Variants in AGPS observed in about 807,000 individuals in gnomAD.
AGPS encodes alkylglycerone phosphate synthase.
Under a neutral mutation model 90.7 loss-of-function variants are expected in AGPS, and 26 were observed. The observed-to-expected ratio is 0.29, with a 90% confidence interval of 0.21 to 0.40. The LOEUF (loss-of-function observed/expected upper bound fraction) is 0.40, where lower values mean the gene tolerates loss of function less well. AGPS is among the 10% of genes least tolerant of loss of function. The pLI, the probability that AGPS is intolerant of heterozygous loss-of-function variation, is 1.00. For missense variants in AGPS, 540 were observed against 816.1 expected, an observed-to-expected ratio of 0.66 and a Z score of 4.12; for synonymous variants, 294 against 285.3, an observed-to-expected ratio of 1.03 and a Z score of -0.31.
Position 177,539,437 on chromosome 2 carries a change from A to T in AGPS, c.*1242A>T, listed in dbSNP as rs2079212584. ...TATTAAAGTGAAATGATTACTTTGA[A>T]TCACTGTCTGCCAAGGTTCATGATT... On this transcript the variant is annotated 3_prime_UTR_variant, in exon 20 of 20. Coordinates refer to ENST00000264167, the MANE Select transcript of AGPS (RefSeq NM_003659.4). 1 of 152,060 alleles carries T rather than the reference A, an allele frequency of 6.6e-6. No individual in the cohort carries two copies. The highest frequency in any genetic ancestry group is 2.1e-4 in the South Asian group (1 of 4,832). 9.4% of individuals were successfully genotyped at this position (152,060 alleles called of 1,614,324 possible). A position where few individuals can be genotyped will look rare whatever the true frequency, so the allele number is the denominator to read the frequency against.
chr2:177,452,046 T>A (rs1686968461), intron 8 of AGPS, among the ~76,000 whole-genome samples: 1 of 152,186 alleles, frequency 6.6e-6, no homozygotes, highest in Admixed American at 6.5e-5. Context: ...TCAGAAAACA[T>A]ACTTTATATG....
intron 16 of AGPS, among the ~76,000 whole-genome samples, chr2:177,509,463 G>C (rs375525477): frequency 6.6e-6 from 1 of 152,018 alleles, no homozygotes; most frequent in Non-Finnish European, 1.5e-5. Flanking sequence ...TCAGGAGATC[G>C]AGACCATCCT....
At chr2:177,524,257 G>A (rs1361886819) in intron 19 of AGPS, among the ~76,000 whole-genome samples, 1 of 152,198 alleles carries the variant, frequency 6.6e-6, no homozygotes, top group African/African-American at 2.4e-5. Context: ...CAGGATATGA[G>A]AAAAATCTTT....
chr2:177,421,119 A>C (rs1267931254), intron 2 of AGPS, among the ~76,000 whole-genome samples: 3 of 152,032 alleles, frequency 2.0e-5, no homozygotes, highest in Non-Finnish European at 4.4e-5. Flanking sequence ...TGTTGGTTTT[A>C]AGCAATACTG....
chr2:177,512,681 G>A (rs1688909752), intron 16 of AGPS, among the ~76,000 whole-genome samples: 1 of 152,132 alleles, frequency 6.6e-6, no homozygotes, highest in Non-Finnish European at 1.5e-5. Context: ...CAGAATCGGT[G>A]TTATTATGTG....
chr2:177,453,914 C>G (rs796567845), intron 8 of AGPS, among the ~76,000 whole-genome samples: 1 of 125,292 alleles, frequency 8.0e-6, no homozygotes, highest in Non-Finnish European at 1.8e-5. Context: ...CTCGAACTCC[C>G]GATCTCAGGT....
At chr2:177,508,119 T>G (rs1180630462) in intron 16 of AGPS, 88 bp downstream of exon 16, 2 of 979,284 alleles carry the variant, frequency 2.0e-6, no homozygotes, top group African/African-American at 3.2e-5. Context: ...ATATGTAAGT[T>G]TAAAACATTT....
chr2:177,457,260 C>A (rs554526388), intron 8 of AGPS, among the ~76,000 whole-genome samples: 1 of 152,174 alleles, frequency 6.6e-6, no homozygotes, highest in East Asian at 1.9e-4. Flanking sequence ...AAAATTGACA[C>A]CCTAACATCA....
At position 177,521,721 on chromosome 2, in the gene AGPS, G is replaced by C. The variant is rs989060825; in HGVS notation, c.1797+353G>C. ...ATGGTGGTTGCTGTTGAGGTCAGCA[G>C]CCCTAATGCCCTTGGTCTGTGTTGT... On this transcript the variant is annotated intron_variant, in intron 18 of 19. Coordinates refer to ENST00000264167, the MANE Select transcript of AGPS (RefSeq NM_003659.4). Among the ~76,000 whole-genome samples the C allele has an allele frequency of 4.6e-5, 7 of 152,162 alleles. No individual in the cohort carries two copies. In the East Asian group the frequency reaches 1.3e-3, roughly 29 times the overall value.
At chr2:177,425,711 G>T (rs1686062293) in intron 2 of AGPS, among the ~76,000 whole-genome samples, 1 of 151,114 alleles carries the variant, frequency 6.6e-6, no homozygotes, top group African/African-American at 2.4e-5. Flanking sequence ...TAGGTGTGCA[G>T]TCTTATTTCT....
At chr2:177,456,555 A>G (rs550804852) in intron 8 of AGPS, among the ~76,000 whole-genome samples, 2 of 152,326 alleles carry the variant, frequency 1.3e-5, no homozygotes, top group East Asian at 3.9e-4. Context: ...TAAATGAAGT[A>G]AATTTAAATT....
chr2:177,419,637 T>C (rs193192487), intron 1 of AGPS, among the ~76,000 whole-genome samples: 77 of 152,026 alleles, frequency 5.1e-4, no homozygotes, highest in African/African-American at 1.6e-3. Flanking sequence ...TTATGAAATA[T>C]TGGTATTTTG....
chr2:177,438,150 A>G (rs1686474398), intron 5 of AGPS, among the ~76,000 whole-genome samples: 1 of 152,176 alleles, frequency 6.6e-6, no homozygotes, highest in African/African-American at 2.4e-5. Context: ...TGAAAGCAAA[A>G]TTTATCAATT....
intron 2 of AGPS, among the ~76,000 whole-genome samples, chr2:177,432,683 T>C (rs1433102869): frequency 6.6e-6 from 1 of 152,256 alleles, no homozygotes; most frequent in East Asian, 1.9e-4. Flanking sequence ...TTCAAGTATC[T>C]TGAAGGTGGT....
intron 11 of AGPS, among the ~76,000 whole-genome samples, chr2:177,487,695 TTG>T (rs1186379575): frequency 2.0e-5 from 3 of 152,154 alleles, no homozygotes; most frequent in African/African-American, 7.2e-5. Context: ...ATCATTTTTT[TTG>T]TGTCATGCGT....
At chr2:177,427,132 C>A (rs1686106701) in intron 2 of AGPS, among the ~76,000 whole-genome samples, 1 of 152,172 alleles carries the variant, frequency 6.6e-6, no homozygotes, top group Admixed American at 6.5e-5. Flanking sequence ...TCTAGATTTT[C>A]TAGTTCATGT....
At chr2:177,400,688 C>G (rs1685307948) in intron 1 of AGPS, among the ~76,000 whole-genome samples, 1 of 152,136 alleles carries the variant, frequency 6.6e-6, no homozygotes, top group South Asian at 2.1e-4. Context: ...AGAGATTTGG[C>G]CAGGTTGCTG....
At chr2:177,481,853 G>A (rs550072391) in intron 10 of AGPS, among the ~76,000 whole-genome samples, 7 of 151,896 alleles carry the variant, frequency 4.6e-5, no homozygotes, top group Non-Finnish European at 8.8e-5. Context: ...TAATTAAAGC[G>A]TATTCCTAAA....
chr2:177,427,818 G>A (rs1036758762), intron 2 of AGPS, among the ~76,000 whole-genome samples: 2 of 152,126 alleles, frequency 1.3e-5, no homozygotes, highest in Admixed American at 1.3e-4. Flanking sequence ...TTTTTGGGTG[G>A]AGGGTTCTGT....
Sources: gnomAD v4.1 joint callset for allele counts (sites outside exome capture counted in the v4.1 genomes callset) on GRCh38, gnomAD v4.1.1 for gene constraint, MANE v1.5 for transcripts, NCBI Gene and HGNC (gene_info 2026-07-23, HGNC 2026-07-21) for gene names.